CDH18: variants seen among roughly 807,000 people sequenced by gnomAD.
CDH18 encodes cadherin-18.
Under a neutral mutation model 67.9 loss-of-function variants are expected in CDH18, and 31 were observed. That is an observed-to-expected ratio of 0.46 (90% CI 0.34 to 0.62). CDH18 has a LOEUF of 0.62. Among genes scored for constraint, CDH18 ranks in the 20% least tolerant of loss-of-function variants. CDH18 has a pLI of 0.01. For synonymous variants in CDH18, 362 were observed against 347.2 expected (o/e 1.04, Z -0.48); for missense variants, 890 against 975.5 (o/e 0.91, Z 1.17).
chr5:20,326,854 A>G (rs1580758929), intron 1 of CDH18, among the ~76,000 whole-genome samples: 1 of 152,230 alleles, frequency 6.6e-6, no homozygotes, highest in East Asian at 1.9e-4. Context: ...TATTTACATT[A>G]TTTAAGTTTT....
chr5:20,475,250 G>A (rs999389211), intron 1 of CDH18, among the ~76,000 whole-genome samples: 21 of 151,954 alleles, frequency 1.4e-4, no homozygotes, highest in African/African-American at 4.8e-4. Flanking sequence ...CATTATTTAT[G>A]CATGATTCAT....
At chr5:19,775,538 A>G (rs1774266023) in intron 3 of CDH18, among the ~76,000 whole-genome samples, 1 of 151,524 alleles carries the variant, frequency 6.6e-6, no homozygotes. Context: ...CGAGAGAAAG[A>G]CAGTGGGGGG....
intron 5 of CDH18, among the ~76,000 whole-genome samples, chr5:19,625,050 A>G (rs1751308017): frequency 6.6e-6 from 1 of 152,054 alleles, no homozygotes; most frequent in Non-Finnish European, 1.5e-5. Flanking sequence ...TGAAAAAAAA[A>G]AAAAGATAAT....
chr5:19,519,913 A>T (rs555906174), intron 10 of CDH18, among the ~76,000 whole-genome samples: 7 of 152,180 alleles, frequency 4.6e-5, no homozygotes, highest in Non-Finnish European at 7.4e-5. Flanking sequence ...AGACACCTTG[A>T]TTATAGTCTT....
At chr5:20,107,754 T>C (rs995587988) in intron 2 of CDH18, among the ~76,000 whole-genome samples, 1 of 151,546 alleles carries the variant, frequency 6.6e-6, no homozygotes, top group Non-Finnish European at 1.5e-5. Flanking sequence ...TTTTTTCCAC[T>C]TCTTTTTTTT....
chr5:20,165,344 G>C (rs1418409118), intron 2 of CDH18, among the ~76,000 whole-genome samples: 2 of 152,072 alleles, frequency 1.3e-5, no homozygotes, highest in Non-Finnish European at 2.9e-5. Context: ...GCTACACTTT[G>C]AGGATAGAGA....
At chr5:20,528,459 C>T (rs13153233) in intron 1 of CDH18, among the ~76,000 whole-genome samples, 4,448 of 152,122 alleles carry the variant, frequency 0.029, 117 homozygotes, top group Non-Finnish European at 0.047. Context: ...CATTTTATCT[C>T]GGCACCACAT....
At chr5:20,493,411 T>C (rs1215958488) in intron 1 of CDH18, among the ~76,000 whole-genome samples, 2 of 151,248 alleles carry the variant, frequency 1.3e-5, no homozygotes, top group East Asian at 1.9e-4. Context: ...TTTTATTTTT[T>C]ATTGTTTCTG....
At chr5:19,645,875 G>A (rs928259894) in intron 5 of CDH18, among the ~76,000 whole-genome samples, 3 of 152,100 alleles carry the variant, frequency 2.0e-5, no homozygotes, top group Non-Finnish European at 4.4e-5. Flanking sequence ...TTATAAAAAG[G>A]AAGAAGTAGA....
rs756833068 is a variant in CDH18, at chr5:19,483,435, G to T, written c.1748C>A (p.Thr583Asn). Residue 583 changes from threonine (T) to asparagine (N), a missense_variant, in exon 12 of 13, where the codon ACC becomes AAC. By Grantham distance (65) the Thr-to-Asn change is moderately conservative. Around this residue, in one of 2 missense-constraint regions of CDH18, gnomAD observed 656 missense variants for 668.1 expected, o/e 0.98. Transcript: ENST00000382275. ...GCATGCACAAACCCTGATGGTGAGG[G>T]TGCTGCTGCTGCTGAGAGAGGGGAT... Reference protein sequence around the residue: ...GGIPSLSSSSTLTIRVCACER... With the variant: ...GGIPSLSSSSNLTIRVCACER... 4 of 1,614,080 alleles carry T rather than the reference G, an allele frequency of 2.5e-6. No homozygotes were observed. The South Asian group carries it at 4.4e-5, about 18-fold the overall frequency.
chr5:20,471,968 C>CAGGTCCTTAGAACAG (rs1752122079), intron 1 of CDH18, among the ~76,000 whole-genome samples: 2 of 152,284 alleles, frequency 1.3e-5, no homozygotes, highest in Non-Finnish European at 1.5e-5. Context: ...CTTGGCTTCT[C>CAGGTCCTTAGAACAG]TGCTCCAAAA....
intron 12 of CDH18, among the ~76,000 whole-genome samples, chr5:19,476,816 G>A (rs755166595): frequency 3.9e-5 from 6 of 151,936 alleles, no homozygotes; most frequent in Non-Finnish European, 7.4e-5. Flanking sequence ...CTGCCATAGA[G>A]GTATGGAGGT....
chr5:20,111,240 A>T (rs913944915), intron 2 of CDH18, among the ~76,000 whole-genome samples: 1 of 152,282 alleles, frequency 6.6e-6, no homozygotes, highest in Non-Finnish European at 1.5e-5. Context: ...CTTCCTAAGT[A>T]TTACTTGTGC....
chr5:19,763,040 T>C (rs183965442), intron 3 of CDH18, among the ~76,000 whole-genome samples: 37 of 152,204 alleles, frequency 2.4e-4, no homozygotes, highest in East Asian at 7.8e-4. Context: ...TAGGTGAGAA[T>C]TGAACAATGA....
chr5:19,564,677 A>C (rs1580235102), intron 8 of CDH18, among the ~76,000 whole-genome samples: 2 of 152,138 alleles, frequency 1.3e-5, no homozygotes, highest in South Asian at 4.2e-4. Flanking sequence ...CAAGGACGGG[A>C]AAGGGAAGTA....
chr5:19,955,985 T>C (rs1049157085), intron 2 of CDH18, among the ~76,000 whole-genome samples: 2 of 151,994 alleles, frequency 1.3e-5, no homozygotes, highest in Non-Finnish European at 2.9e-5. Flanking sequence ...CAGTTTAGTT[T>C]CCCCCAAAGT....
At chr5:20,340,420 T>C (rs977886334) in intron 1 of CDH18, among the ~76,000 whole-genome samples, 21 of 152,124 alleles carry the variant, frequency 1.4e-4, no homozygotes, top group Non-Finnish European at 2.9e-4. Flanking sequence ...TGCAGGCCTA[T>C]AAAACCCAGG....
chr5:20,375,599 G>A (rs957232073), intron 1 of CDH18, among the ~76,000 whole-genome samples: 2 of 152,284 alleles, frequency 1.3e-5, no homozygotes, highest in Non-Finnish European at 2.9e-5. Flanking sequence ...GCCTCCATTA[G>A]AGACTGCGCC....
chr5:19,652,929 A>G (rs2150276053), intron 5 of CDH18, among the ~76,000 whole-genome samples: 1 of 152,206 alleles, frequency 6.6e-6, no homozygotes, highest in African/African-American at 2.4e-5. Context: ...TTCATATTGG[A>G]GGGTAAAAAA....
Sources: gnomAD v4.1 joint callset for allele counts (sites outside exome capture counted in the v4.1 genomes callset) on GRCh38, gnomAD v4.1.1 for gene constraint, gnomAD v4.1.1 regional missense constraint, MANE v1.5 for transcripts, NCBI Gene and HGNC (gene_info 2026-07-23, HGNC 2026-07-21) for gene names.